PCCB: variants seen among roughly 807,000 people sequenced by gnomAD.
The protein encoded by PCCB is propionyl-CoA carboxylase beta chain, mitochondrial.
PCCB carries 43 observed loss-of-function variants against 60.7 expected under a neutral mutation model. The ratio of observed to expected loss-of-function variants is 0.71; its 90% CI spans 0.55 to 0.91. The LOEUF (loss-of-function observed/expected upper bound fraction) is 0.91, where lower values mean the gene tolerates loss of function less well. Among genes scored for constraint, PCCB ranks in the 40% least tolerant of loss-of-function variants. The pLI is 0.00. For missense variants in PCCB, 766 were observed against 702.8 expected (o/e 1.09, Z -1.02); for synonymous variants, 276 against 255.9 (o/e 1.08, Z -0.75).
chr3:136,294,129 A>T (rs944954898), intron 7 of PCCB, among the ~76,000 whole-genome samples: 34 of 152,180 alleles, frequency 2.2e-4, no homozygotes, highest in Admixed American at 1.9e-3. Flanking sequence ...AGTTGCTGGA[A>T]TGGTGATTAT....
intron 5 of PCCB, among the ~76,000 whole-genome samples, chr3:136,277,756 C>A (rs1262548010): frequency 2.6e-5 from 4 of 152,180 alleles, no homozygotes; most frequent in Non-Finnish European, 5.9e-5. Flanking sequence ...GCAGATCTCA[C>A]TCCCTCTGTG....
At chr3:136,298,093 CCTT>C (rs1212569852) in intron 8 of PCCB, 21 bp downstream of exon 8, 1 of 1,613,814 alleles carries the variant, frequency 6.2e-7, no homozygotes, top group Non-Finnish European at 8.5e-7. Flanking sequence ...GGCCGGTGCA[CCTT>C]CTCTCATTTT....
intron 7 of PCCB, among the ~76,000 whole-genome samples, chr3:136,295,389 T>A (rs1204522313): frequency 6.6e-6 from 1 of 152,206 alleles, no homozygotes; most frequent in African/African-American, 2.4e-5. Context: ...AAAAATTGTT[T>A]CTCCCCATGT....
chr3:136,326,395 C>G (rs1935311637), intron 10 of PCCB: 2 of 702,566 alleles, frequency 2.8e-6, no homozygotes, highest in Non-Finnish European at 5.2e-6. Flanking sequence ...GGTAAGGAAC[C>G]TTAGGTCAAA....
Position 136,307,977 on chromosome 3 carries a change from AAAT to A in PCCB, c.966+6889_966+6891del, listed in dbSNP as rs142093462. Among the ~76,000 whole-genome samples the A allele has an allele frequency of 2.1e-3, 319 of 150,324 alleles. 2 individuals carry two copies. The highest frequency in any genetic ancestry group is 6.7e-3 in the African/African-American group (274 of 40,724). On this transcript the variant is annotated intron_variant, in intron 9 of 14. Transcript: ENST00000251654. ...GCAACAAGAGTGAAACTCCATCTCA[AAAT>A]AATAATAATAATAATAATAATATGA... is the stretch of plus-strand genomic sequence containing the variant.
At chr3:136,297,599 G>C (rs1487845439) in intron 7 of PCCB, among the ~76,000 whole-genome samples, 1 of 152,188 alleles carries the variant, frequency 6.6e-6, no homozygotes, top group African/African-American at 2.4e-5. Context: ...CAGGGAAATA[G>C]GTGATGCAGA....
chr3:136,297,895 G>A (rs1205099797), intron 7 of PCCB, 57 bp from the exon 8 acceptor site: 1 of 1,610,882 alleles, frequency 6.2e-7, no homozygotes, highest in African/African-American at 1.3e-5. Flanking sequence ...GCATGAAGCA[G>A]CAACTTTGGG....
intron 10 of PCCB, among the ~76,000 whole-genome samples, chr3:136,318,276 G>A (rs1268357354): frequency 1.3e-5 from 2 of 152,162 alleles, no homozygotes; most frequent in Non-Finnish European, 1.5e-5. Flanking sequence ...CCGGGGAGGA[G>A]GAGGTTGTTG....
chr3:136,267,135 T>G (rs796697666), intron 5 of PCCB, among the ~76,000 whole-genome samples: 5 of 152,252 alleles, frequency 3.3e-5, no homozygotes, highest in African/African-American at 1.2e-4. Context: ...TCTGCCTCCC[T>G]TGGCCTCTAA....
intron 9 of PCCB, among the ~76,000 whole-genome samples, chr3:136,311,662 T>A (rs535418654): frequency 6.6e-6 from 1 of 152,040 alleles, no homozygotes; most frequent in Admixed American, 6.6e-5. Context: ...AAAAACACTT[T>A]TGAAAATCAA....
intron 6 of PCCB, among the ~76,000 whole-genome samples, chr3:136,284,584 TG>T (rs1341852831): frequency 6.6e-6 from 1 of 152,078 alleles, no homozygotes; most frequent in African/African-American, 2.4e-5. Context: ...ACAGAATGGT[TG>T]GGGGGAAAAA....
intron 4 of PCCB, among the ~76,000 whole-genome samples, 181 bp from the exon 5 acceptor site, chr3:136,261,771 A>ACC (rs1941832705): frequency 2.0e-5 from 3 of 152,190 alleles, no homozygotes; most frequent in Admixed American, 6.5e-5. Flanking sequence ...CCTATTAAAT[A>ACC]TCTGGTCCTT....
chr3:136,329,421 G>C (rs1414492930), intron 14 of PCCB, among the ~76,000 whole-genome samples: 2 of 152,144 alleles, frequency 1.3e-5, no homozygotes, highest in Non-Finnish European at 2.9e-5. Flanking sequence ...AAGGGAAACT[G>C]AGGCCTAGAT....
chr3:136,316,804 T>C, intron 9 of PCCB, 137 bp from the exon 10 acceptor site: 2 of 998,410 alleles, frequency 2.0e-6, no homozygotes, highest in South Asian at 2.7e-5. Context: ...TCCTGCTTCC[T>C]TGGAGAACCT....
chr3:136,317,851 C>G (rs2108227692), intron 10 of PCCB, among the ~76,000 whole-genome samples: 1 of 152,316 alleles, frequency 6.6e-6, no homozygotes, highest in Admixed American at 6.5e-5. Flanking sequence ...GATTCGCAGC[C>G]AAGTGAGGGA....
intron 9 of PCCB, among the ~76,000 whole-genome samples, chr3:136,311,667 A>T (rs1576348823): frequency 6.6e-6 from 1 of 152,106 alleles, no homozygotes; most frequent in African/African-American, 2.4e-5. Context: ...CACTTTTGAA[A>T]ATCAAAAGTA....
chr3:136,276,434 A>G (rs1435780619), intron 5 of PCCB, among the ~76,000 whole-genome samples: 6 of 152,146 alleles, frequency 3.9e-5, no homozygotes, highest in African/African-American at 1.2e-4. Context: ...TAGGAAAGCT[A>G]TTCACCTCCC....
chr3:136,280,363 T>C (rs1416609294), intron 5 of PCCB, among the ~76,000 whole-genome samples: 1 of 152,234 alleles, frequency 6.6e-6, no homozygotes, highest in Admixed American at 6.5e-5. Flanking sequence ...TTTTTTCTTT[T>C]TGAGACAGAG....
intron 14 of PCCB, among the ~76,000 whole-genome samples, chr3:136,329,447 T>C (rs1935458216): frequency 6.6e-6 from 1 of 152,144 alleles, no homozygotes; most frequent in African/African-American, 2.4e-5. Flanking sequence ...AGTTGCACAG[T>C]GTCATTTTTG....
Sources: allele counts gnomAD v4.1 joint callset (sites outside exome capture counted in the v4.1 genomes callset), GRCh38; gene constraint gnomAD v4.1.1; transcripts MANE v1.5; gene names NCBI Gene and HGNC (gene_info 2026-07-23, HGNC 2026-07-21).